UNC13C: variants seen among roughly 807,000 people sequenced by gnomAD.
UNC13C encodes unc-13 homolog C.
In UNC13C, 174 loss-of-function variants were observed where a neutral mutation model predicts 245.4. The ratio of observed to expected loss-of-function variants is 0.71; its 90% CI spans 0.63 to 0.80. UNC13C has a LOEUF of 0.80. UNC13C is among the 30% of genes least tolerant of loss of function. The probability of loss-of-function intolerance (pLI) is 0.00; values close to 1 mark genes in which losing one functional copy is unlikely to be tolerated. For missense variants in UNC13C, 2,829 were observed against 2,602.9 expected (o/e 1.09, Z -1.89); for synonymous variants, 992 against 895.1 (o/e 1.11, Z -1.93).
At chr15:54,003,617 A>C (rs1894999745) in intron 1 of UNC13C, among the ~76,000 whole-genome samples, 1 of 152,216 alleles carries the variant, frequency 6.6e-6, no homozygotes, top group South Asian at 2.1e-4. Context: ...AATGTGTAAT[A>C]ATCACAGTGA....
chr15:54,086,306 G>A (rs1432976059), intron 2 of UNC13C, among the ~76,000 whole-genome samples: 2 of 152,074 alleles, frequency 1.3e-5, no homozygotes, highest in Non-Finnish European at 2.9e-5. Flanking sequence ...TAAGAGACTC[G>A]GAGTGGAGAA....
chr15:53,994,715 T>A (rs561978547), intron 1 of UNC13C, among the ~76,000 whole-genome samples: 1 of 152,314 alleles, frequency 6.6e-6, no homozygotes, highest in East Asian at 1.9e-4. Flanking sequence ...ATGTCAATAG[T>A]CAAGTGTAAA....
chr15:54,264,845 T>C (rs2036514047), intron 9 of UNC13C, among the ~76,000 whole-genome samples: 1 of 151,934 alleles, frequency 6.6e-6, no homozygotes, highest in South Asian at 2.1e-4. Flanking sequence ...ACTTCTGAAG[T>C]TGCTTGTAAT....
intron 24 of UNC13C, among the ~76,000 whole-genome samples, chr15:54,514,274 T>C (rs568972459): frequency 6.6e-6 from 1 of 152,352 alleles, no homozygotes; most frequent in South Asian, 2.1e-4. Context: ...CAACACTTGA[T>C]ACAGACATGT....
intron 2 of UNC13C, among the ~76,000 whole-genome samples, chr15:54,140,833 G>A (rs2031984115): frequency 6.6e-6 from 1 of 151,378 alleles, no homozygotes; most frequent in African/African-American, 2.4e-5. Flanking sequence ...TTTTAAGAAG[G>A]AGAGTGACAT....
intron 30 of UNC13C, among the ~76,000 whole-genome samples, chr15:54,605,530 A>G (rs1899723610): frequency 6.6e-6 from 1 of 152,162 alleles, no homozygotes; most frequent in Admixed American, 6.6e-5. Context: ...CCTTTTTTAA[A>G]AAAAATGTAG....
chr15:54,029,524 T>C (rs1222618025), intron 2 of UNC13C, among the ~76,000 whole-genome samples: 1 of 152,226 alleles, frequency 6.6e-6, no homozygotes, highest in Non-Finnish European at 1.5e-5. Context: ...ACCTACTGAA[T>C]GTATACAGTG....
intron 2 of UNC13C, among the ~76,000 whole-genome samples, chr15:54,137,214 G>A (rs942227749): frequency 1.3e-5 from 2 of 152,158 alleles, no homozygotes; most frequent in Non-Finnish European, 2.9e-5. Flanking sequence ...TGATCATGGT[G>A]TATGATCCTT....
intron 4 of UNC13C, among the ~76,000 whole-genome samples, chr15:54,227,171 C>T (rs1021944938): frequency 2.0e-5 from 3 of 152,070 alleles, no homozygotes; most frequent in African/African-American, 7.2e-5. Flanking sequence ...TCAGGCAGAT[C>T]GTTCTTATTT....
intron 29 of UNC13C, among the ~76,000 whole-genome samples, chr15:54,562,090 A>G (rs569641563): frequency 1.3e-5 from 2 of 152,102 alleles, no homozygotes; most frequent in South Asian, 4.2e-4. Context: ...AGGAATGTGG[A>G]AATCAATATT....
intron 4 of UNC13C, among the ~76,000 whole-genome samples, chr15:54,185,791 T>G (rs985576262): frequency 1.3e-5 from 2 of 151,116 alleles, no homozygotes; most frequent in African/African-American, 4.9e-5. Context: ...AAGTAGTTTT[T>G]TCGAATTCTG....
chr15:54,437,352 A>G (rs558141016), intron 19 of UNC13C, among the ~76,000 whole-genome samples: 2 of 152,124 alleles, frequency 1.3e-5, no homozygotes, highest in East Asian at 3.9e-4. Context: ...CATCTATTAT[A>G]TAAGCTTCAA....
chr15:54,465,392 T>A (rs1348542627), intron 19 of UNC13C, among the ~76,000 whole-genome samples: 1 of 152,084 alleles, frequency 6.6e-6, no homozygotes, highest in Non-Finnish European at 1.5e-5. Flanking sequence ...CTATGCTTTA[T>A]AAATACTTTG....
chr15:53,838,100 T>C, the UNC13C span, among the ~76,000 whole-genome samples: 1 of 152,174 alleles, frequency 6.6e-6, no homozygotes, highest in Non-Finnish European at 1.5e-5. Context: ...TAAATTAGTT[T>C]ATAATTTTTC....
At chr15:54,061,444 G>T (rs1897830737) in intron 2 of UNC13C, among the ~76,000 whole-genome samples, 1 of 152,006 alleles carries the variant, frequency 6.6e-6, no homozygotes, top group Admixed American at 6.6e-5. Context: ...TTTTTTCCCT[G>T]GACCAGAGTT....
the UNC13C span, among the ~76,000 whole-genome samples, chr15:53,942,942 C>T: frequency 0.11 from 16,673 of 152,214 alleles, 1,258 homozygotes; most frequent in East Asian, 0.33. Flanking sequence ...GGATTGCAGG[C>T]GTGAGCCATT....
chr15:54,430,173 G>A (rs375945242), intron 19 of UNC13C, among the ~76,000 whole-genome samples: 26 of 151,566 alleles, frequency 1.7e-4, no homozygotes, highest in East Asian at 1.2e-3. Context: ...TCAGATTTTT[G>A]TGAATAAGAA....
chr15:53,874,722 C>G, the UNC13C span, among the ~76,000 whole-genome samples: 1 of 152,202 alleles, frequency 6.6e-6, no homozygotes, highest in Non-Finnish European at 1.5e-5. Flanking sequence ...TCCTTTGAAA[C>G]TTATACCAGG....
At chr15:54,138,989 C>G (rs1595900025) in intron 2 of UNC13C, among the ~76,000 whole-genome samples, 1 of 9,348 alleles carries the variant, frequency 1.1e-4, no homozygotes, top group Non-Finnish European at 3.2e-4. Context: ...GAGACGGAGT[C>G]TCGCTTTGTC....
Sources: allele counts gnomAD v4.1 joint callset (sites outside exome capture counted in the v4.1 genomes callset), GRCh38; gene constraint gnomAD v4.1.1; transcripts MANE v1.5; gene names NCBI Gene and HGNC (gene_info 2026-07-23, HGNC 2026-07-21).